Variants in COBL observed in about 807,000 individuals in gnomAD.
The protein encoded by COBL is cordon-bleu WH2 repeat protein.
In COBL, 51 loss-of-function variants were observed where a neutral mutation model predicts 98.8. The ratio of observed to expected loss-of-function variants is 0.52; its 90% confidence interval spans 0.41 to 0.65. COBL has a LOEUF of 0.65. Ranked by LOEUF, COBL falls within the 30% of genes least tolerant of loss-of-function variation. The pLI, the probability that COBL is intolerant of heterozygous loss-of-function variation, is 0.00. For synonymous variants in COBL, 634 were observed against 651.7 expected, an observed-to-expected ratio of 0.97 and a Z score of 0.41; for missense variants, 1,617 against 1,617.5, an observed-to-expected ratio of 1.00 and a Z score of 0.01.
At chr7:51,159,632 C>T (rs1214178577) in intron 5 of COBL, among the ~76,000 whole-genome samples, 1 of 152,136 alleles carries the variant, frequency 6.6e-6, no homozygotes, top group Admixed American at 6.5e-5. Flanking sequence ...TTGAAAGGGA[C>T]GTTTTCTACC....
intron 8 of COBL, 113 bp from the exon 9 acceptor site, chr7:51,031,022 C>G: frequency 2.7e-6 from 2 of 748,478 alleles, no homozygotes; most frequent in Non-Finnish European, 4.6e-6. Context: ...CAAGCAGTCA[C>G]ATACTCACTG....
intron 6 of COBL, among the ~76,000 whole-genome samples, chr7:51,123,199 G>A (rs988889849): frequency 3.9e-5 from 6 of 152,258 alleles, no homozygotes; most frequent in African/African-American, 7.2e-5. Flanking sequence ...GCAGATATCC[G>A]TATCTGAGCA....
intron 8 of COBL, among the ~76,000 whole-genome samples, chr7:51,036,336 C>CAA (rs59610375): frequency 1.7e-4 from 16 of 94,200 alleles, no homozygotes; most frequent in African/African-American, 3.5e-4. Flanking sequence ...GACTCCGTCT[C>CAA]AAAAAAAAAA....
chr7:51,207,801 C>A (rs544384865), intron 2 of COBL, among the ~76,000 whole-genome samples: 34 of 152,380 alleles, frequency 2.2e-4, no homozygotes, highest in African/African-American at 8.2e-4. Flanking sequence ...TCCCAGCCGC[C>A]TGCCTTGGCC....
chr7:51,208,289 G>C (rs1458100262), intron 2 of COBL, among the ~76,000 whole-genome samples: 3 of 151,600 alleles, frequency 2.0e-5, no homozygotes, highest in Non-Finnish European at 4.4e-5. Context: ...ACCCCGTCTG[G>C]GAAGTGAGGA....
intron 2 of COBL, among the ~76,000 whole-genome samples, chr7:51,215,906 G>C (rs990718706): frequency 1.3e-5 from 2 of 152,262 alleles, no homozygotes; most frequent in Admixed American, 6.5e-5. Context: ...ACCTGCTGCT[G>C]CAAGAGTCCT....
intron 1 of COBL, among the ~76,000 whole-genome samples, chr7:51,222,005 C>T (rs549354173): frequency 2.4e-4 from 36 of 152,028 alleles, no homozygotes; most frequent in African/African-American, 7.5e-4. Context: ...CTGGTCAACA[C>T]GGTGAAATTC....
At chr7:51,262,440 A>C (rs1797804340) in intron 1 of COBL, among the ~76,000 whole-genome samples, 1 of 152,180 alleles carries the variant, frequency 6.6e-6, no homozygotes. Flanking sequence ...AGGACCATAC[A>C]AACAGTTCCA....
chr7:51,305,103 G>A (rs1802338459), intron 1 of COBL, among the ~76,000 whole-genome samples: 1 of 152,184 alleles, frequency 6.6e-6, no homozygotes, highest in Non-Finnish European at 1.5e-5. Context: ...GAGCCTTGTG[G>A]AAAATCTGTT....
chr7:51,269,216 CAA>C (rs974324032), intron 1 of COBL, among the ~76,000 whole-genome samples: 2 of 152,178 alleles, frequency 1.3e-5, no homozygotes, highest in African/African-American at 4.8e-5. Context: ...AGGACGGGTA[CAA>C]AAGCCCATGT....
At chr7:51,122,422 C>T (rs1408651144) in intron 6 of COBL, among the ~76,000 whole-genome samples, 1 of 152,204 alleles carries the variant, frequency 6.6e-6, no homozygotes, top group African/African-American at 2.4e-5. Context: ...CTGTCCTCAT[C>T]TTCACCATCT....
intron 5 of COBL, among the ~76,000 whole-genome samples, chr7:51,157,070 T>C (rs1583995299): frequency 6.6e-6 from 1 of 151,898 alleles, no homozygotes; most frequent in Admixed American, 6.6e-5. Context: ...CAAATCAGAG[T>C]TTTAACAAGG....
intron 1 of COBL, among the ~76,000 whole-genome samples, chr7:51,248,282 C>T (rs1317505225): frequency 6.6e-6 from 1 of 152,152 alleles, no homozygotes; most frequent in Non-Finnish European, 1.5e-5. Context: ...ATTGCTCTAT[C>T]TCGTTGATTT....
rs146421017 is a variant in COBL at position 51,191,026 on chromosome 7, C to T, written c.509G>A (p.Arg170His). ...CTGGAGAGGAACCTCAGGGCTCACA[C>T]GCACAACAGCTTTTTGTGTCCGCAG... The part of the protein sequence containing the change: ...NYLRTQKAVV[R>H]VSPEVPLQNI... Residue 170 changes from arginine (R) to histidine (H), a missense_variant, in exon 4 of 13, where the codon CGT becomes CAT. By Grantham distance (29) the Arg-to-His change is conservative. Coordinates refer to ENST00000265136, the MANE Select transcript of COBL (RefSeq NM_015198.5). 22 of 1,614,052 alleles carry T rather than the reference C, an allele frequency of 1.4e-5. No homozygotes were observed. The highest frequency in any genetic ancestry group is 5.3e-5 in the African/African-American group (4 of 74,926).
Position 51,104,155 on chromosome 7 carries a change from G to A in COBL, c.958-18851C>T, listed in dbSNP as rs145562096. 6.9e-3 allele frequency among the ~76,000 whole-genome samples: 1,058 copies of A among 152,312 alleles called. 7 individuals are homozygous for A. Among genetic ancestry groups the A allele is most frequent in the Admixed American group, 0.011 (172 of 15,300 alleles). On this transcript the variant is annotated intron_variant, in intron 6 of 12. Coordinates refer to ENST00000265136, the MANE Select transcript of COBL (RefSeq NM_015198.5). The stretch of plus-strand genomic sequence containing the variant: ...ACAGGATAAATCCTCAATACCTAAT[G>A]TAGTTATTTCTTTATCATATTCTCA...
At chr7:51,134,801 A>G (rs1047626315) in intron 6 of COBL, among the ~76,000 whole-genome samples, 2 of 152,196 alleles carry the variant, frequency 1.3e-5, no homozygotes, top group African/African-American at 4.8e-5. Context: ...AAATCAGAAG[A>G]AATAGCTTTG....
At chr7:51,117,583 T>A (rs1035150579) in intron 6 of COBL, among the ~76,000 whole-genome samples, 1 of 152,144 alleles carries the variant, frequency 6.6e-6, no homozygotes, top group Admixed American at 6.5e-5. Context: ...CATATGAGAT[T>A]TTTTCTTTTT....
chr7:51,134,699 A>C (rs1303708025), intron 6 of COBL, among the ~76,000 whole-genome samples: 2 of 152,236 alleles, frequency 1.3e-5, no homozygotes, highest in African/African-American at 2.4e-5. Context: ...AGGGGCATGT[A>C]GCTGGGAAAG....
intron 1 of COBL, among the ~76,000 whole-genome samples, chr7:51,277,331 C>A (rs766588955): frequency 1.3e-5 from 2 of 152,090 alleles, no homozygotes; most frequent in African/African-American, 2.4e-5. Flanking sequence ...TGTGTGCATG[C>A]AGAAGTGTAA....
Sources: gnomAD v4.1 joint callset for allele counts (sites outside exome capture counted in the v4.1 genomes callset) on GRCh38, gnomAD v4.1.1 for gene constraint, MANE v1.5 for transcripts, NCBI Gene and HGNC (gene_info 2026-07-23, HGNC 2026-07-21) for gene names.